Variants in MTPAP observed in about 807,000 individuals in gnomAD.
MTPAP encodes poly(A) RNA polymerase, mitochondrial.
In MTPAP, 23 loss-of-function variants were observed where a neutral mutation model predicts 48.7. The ratio of observed to expected loss-of-function variants is 0.47; its 90% CI spans 0.34 to 0.67. MTPAP has a LOEUF of 0.67. MTPAP is among the 30% of genes least tolerant of loss of function. The probability of loss-of-function intolerance (pLI) is 0.01; values close to 1 mark genes in which losing one functional copy is unlikely to be tolerated. For synonymous variants in MTPAP, 257 were observed against 254.1 expected, an observed-to-expected ratio of 1.01 and a Z score of -0.11; for missense variants, 614 against 694.3, an observed-to-expected ratio of 0.88 and a Z score of 1.30.
intron 3 of MTPAP, among the ~76,000 whole-genome samples, chr10:30,338,490 G>A (rs965351884): frequency 5.3e-5 from 8 of 151,784 alleles, no homozygotes; most frequent in Admixed American, 2.0e-4. Flanking sequence ...CCTGGCCAAC[G>A]TGGTGAAACC....
intron 5 of MTPAP, among the ~76,000 whole-genome samples, chr10:30,324,406 TAGTC>T (rs778615077): frequency 4.6e-5 from 7 of 151,744 alleles, no homozygotes; most frequent in African/African-American, 1.5e-4. Flanking sequence ...ATTAAAAAAA[TAGTC>T]AGGCGTGGTG....
chr10:30,323,627 A>G (rs1190259131), intron 5 of MTPAP, among the ~76,000 whole-genome samples: 1 of 151,968 alleles, frequency 6.6e-6, no homozygotes, highest in African/African-American at 2.4e-5. Context: ...CTCCTGCCTC[A>G]GCCTCCCAAG....
intron 4 of MTPAP, among the ~76,000 whole-genome samples, chr10:30,333,384 G>C (rs1053712238): frequency 6.6e-6 from 1 of 152,212 alleles, no homozygotes; most frequent in Non-Finnish European, 1.5e-5. Context: ...TTATAGTTAG[G>C]ACAATTGAGG....
At chr10:30,316,620 T>C (rs190076002) in intron 6 of MTPAP, among the ~76,000 whole-genome samples, 1 of 150,526 alleles carries the variant, frequency 6.6e-6, no homozygotes, top group Non-Finnish European at 1.5e-5. Context: ...CCAGGCGCGG[T>C]GGCTCACACC....
intron 1 of MTPAP, among the ~76,000 whole-genome samples, chr10:30,343,253 A>C (rs1362529334): frequency 6.6e-6 from 1 of 152,020 alleles, no homozygotes; most frequent in Non-Finnish European, 1.5e-5. Context: ...GTTTGAGACC[A>C]GCCTGCCCAA....
chr10:30,337,144 G>A, intron 3 of MTPAP, 117 bp from the exon 4 acceptor site: 1 of 908,664 alleles, frequency 1.1e-6, no homozygotes, highest in Non-Finnish European at 1.7e-6. Context: ...AATATGCAAA[G>A]CCTGGCGCAG....
In MTPAP at chr10:30,314,059, C is replaced by T. The variant is rs1198458421; in HGVS notation, c.1387-88G>A. ...GTTAACTCAATAAAATGTCAAAACACATAAAACACCAGCATTAACTTTACA... is the reference window on the plus strand; with the variant it reads ...GTTAACTCAATAAAATGTCAAAACATATAAAACACCAGCATTAACTTTACA... On this transcript the variant is annotated intron_variant, in intron 8 of 8. Transcript: ENST00000263063. The T allele has an allele frequency of 2.9e-6, 4 of 1,380,842 alleles. No individual in the cohort carries two copies. The Admixed American group carries it at 7.3e-5, about 25-fold the overall frequency. 85.5% of individuals were successfully genotyped at this position (1,380,842 alleles called of 1,614,324 possible). A position where few individuals can be genotyped will look rare whatever the true frequency, so the allele number is the denominator to read the frequency against.
At chr10:30,323,742 C>G (rs1834542446) in intron 5 of MTPAP, among the ~76,000 whole-genome samples, 1 of 152,214 alleles carries the variant, frequency 6.6e-6, no homozygotes, top group Admixed American at 6.5e-5. Context: ...AATCTCCTGA[C>G]CTCGTGATCC....
In MTPAP at chr10:30,328,636, C is replaced by T. The variant is rs1405461570; in HGVS notation, c.781-2001G>A. ...AATGTTTATCATGGACATCTACCCCCTTCCTTTCAGCTGAATGGACTGGGC... is the reference window on the plus strand; with the variant it reads ...AATGTTTATCATGGACATCTACCCCTTTCCTTTCAGCTGAATGGACTGGGC... On this transcript the variant is annotated intron_variant, in intron 4 of 8. Coordinates refer to ENST00000263063, the MANE Select transcript of MTPAP (RefSeq NM_018109.4). 9.9e-5 allele frequency among the ~76,000 whole-genome samples: 15 copies of T among 152,282 alleles called. No homozygotes were observed. In the East Asian group the frequency reaches 2.5e-3, roughly 25 times the overall value.
At position 30,310,151 on chromosome 10, in the gene MTPAP, G is replaced by C. The variant is rs1052453793; in HGVS notation, c.*3458C>G. 1 of 152,134 alleles carries C rather than the reference G, an allele frequency of 6.6e-6. No homozygotes were observed. Among genetic ancestry groups the C allele is most frequent in the African/African-American group, 2.4e-5 (1 of 41,434 alleles). The allele number at this position is 152,134 out of a possible 1,614,324, so 9.4% of individuals were successfully genotyped here. A position where few individuals can be genotyped will look rare whatever the true frequency, so the allele number is the denominator to read the frequency against. On this transcript the variant is annotated 3_prime_UTR_variant, in exon 9 of 9. Coordinates refer to ENST00000263063, the MANE Select transcript of MTPAP (RefSeq NM_018109.4). ...TGCAATTATTTTTAATTAAGAAACA[G>C]CAATGACAAATAATTGCTAGTTATC...
chr10:30,349,067 A>C (rs1467522459), intron 1 of MTPAP, 52 bp downstream of exon 1: 2 of 1,612,720 alleles, frequency 1.2e-6, no homozygotes, highest in Non-Finnish European at 1.7e-6. Flanking sequence ...CCGTGATCCC[A>C]GACTCCTCGC....
At chr10:30,338,984 A>C (rs575899477) in intron 3 of MTPAP, among the ~76,000 whole-genome samples, 43 of 151,526 alleles carry the variant, frequency 2.8e-4, no homozygotes, top group African/African-American at 1.0e-3. Context: ...TTAGCCGGGC[A>C]TGGTGGTGGG....
chr10:30,344,209 C>T (rs1294606751), intron 1 of MTPAP, among the ~76,000 whole-genome samples: 4 of 152,142 alleles, frequency 2.6e-5, no homozygotes, highest in Non-Finnish European at 4.4e-5. Context: ...CCATTTCTTT[C>T]TGTTGTACTT....
chr10:30,327,632 G>A (rs1442981426), intron 4 of MTPAP, among the ~76,000 whole-genome samples: 2 of 151,948 alleles, frequency 1.3e-5, no homozygotes, highest in Non-Finnish European at 2.9e-5. Flanking sequence ...GATAACTTGA[G>A]GTCAGGAGTT....
At chr10:30,325,059 T>C (rs567307733) in intron 5 of MTPAP, among the ~76,000 whole-genome samples, 2 of 151,566 alleles carry the variant, frequency 1.3e-5, no homozygotes, top group Non-Finnish European at 2.9e-5. Context: ...AAGTGTTTTA[T>C]GTATGAAAAT....
chr10:30,341,443 G>C lies in MTPAP; in HGVS notation c.330+25C>G, dbSNP rs1021236108. The C allele has an allele frequency of 1.2e-5, 19 of 1,606,112 alleles. No homozygotes were observed. In the Admixed American group the frequency reaches 1.4e-4, roughly 11 times the overall value. Reference sequence around the variant, plus strand: ...CACCCTTGAAAAGCATAAACGTTAAGTTAGATTGTTTTTCAAATACTTACA... The same window carrying C: ...CACCCTTGAAAAGCATAAACGTTAACTTAGATTGTTTTTCAAATACTTACA... On this transcript the variant is annotated intron_variant, in intron 2 of 8. Coordinates refer to ENST00000263063, the MANE Select transcript of MTPAP (RefSeq NM_018109.4).
intron 1 of MTPAP, among the ~76,000 whole-genome samples, chr10:30,347,079 A>C (rs11008003): frequency 0.099 from 15,024 of 152,216 alleles, 996 homozygotes; most frequent in Non-Finnish European, 0.12. Flanking sequence ...TTTCTACTTA[A>C]GCTATTTTGA....
chr10:30,315,341 A>G (rs1433016917), intron 8 of MTPAP, among the ~76,000 whole-genome samples: 1 of 152,240 alleles, frequency 6.6e-6, no homozygotes, highest in Non-Finnish European at 1.5e-5. Context: ...GTAATCAAGT[A>G]GCCAAATGCT....
chr10:30,339,212 C>T (rs1002718586), intron 3 of MTPAP, among the ~76,000 whole-genome samples: 1 of 151,398 alleles, frequency 6.6e-6, no homozygotes, highest in Non-Finnish European at 1.5e-5. Flanking sequence ...TTGGGCCGGG[C>T]GTAGTGGCTC....
Sources: allele counts gnomAD v4.1 joint callset (sites outside exome capture counted in the v4.1 genomes callset), GRCh38; gene constraint gnomAD v4.1.1; transcripts MANE v1.5; gene names NCBI Gene and HGNC (gene_info 2026-07-23, HGNC 2026-07-21).